The following NEK7 variants were observed in gnomAD, a reference collection of about 807,000 sequenced individuals.
The protein encoded by NEK7 is NIMA related kinase 7.
In NEK7, 18 loss-of-function variants were observed where a neutral mutation model predicts 44.6. The observed-to-expected ratio is 0.40, with a 90% confidence interval of 0.28 to 0.60. The LOEUF (loss-of-function observed/expected upper bound fraction) is 0.60. Ranked by LOEUF, NEK7 falls within the 20% of genes least tolerant of loss-of-function variation. NEK7 has a pLI of 0.38. For missense variants in NEK7, 256 were observed against 366.5 expected (o/e 0.70, Z 2.46); for synonymous variants, 130 against 121.1 (o/e 1.07, Z -0.48).
intron 9 of NEK7, among the ~76,000 whole-genome samples, chr1:198,299,348 C>T (rs1054975358): frequency 6.6e-6 from 1 of 152,124 alleles, no homozygotes; most frequent in Non-Finnish European, 1.5e-5. Context: ...TAAGCAGGAA[C>T]TCAATTTGTA....
intron 3 of NEK7, among the ~76,000 whole-genome samples, chr1:198,257,434 G>A (rs530309914): frequency 6.6e-6 from 1 of 152,200 alleles, no homozygotes; most frequent in Admixed American, 6.5e-5. Flanking sequence ...GATTATATAT[G>A]ATCAGAAATT....
At chr1:198,256,497 C>A (rs1441753753) in intron 3 of NEK7, 2 of 1,567,164 alleles carry the variant, frequency 1.3e-6, no homozygotes, top group East Asian at 2.3e-5. Flanking sequence ...TAAGATGGTA[C>A]CTTAACTAAT....
rs749960374 is a variant in NEK7, at chr1:198,253,102, T to G, written c.120T>G (p.Ile40Met). The G allele has an allele frequency of 6.2e-7, 1 of 1,612,572 alleles. No homozygotes were observed. The highest frequency in any genetic ancestry group is 1.1e-5 in the South Asian group (1 of 91,016). The change falls in exon 3 of 10, where the codon ATT (isoleucine) becomes ATG (methionine). Residue 40 changes from isoleucine to methionine, a missense_variant. This residue lies in a region of NEK7 where 96 missense variants were observed against 94.9 expected (regional missense o/e 1.01). Coordinates refer to ENST00000367385, the MANE Select transcript of NEK7 (RefSeq NM_133494.3). ...TLANFRIEKK[I>M]GRGQFSEVYR... ...CCAACTTTCGAATAGAAAAGAAAAT[T>G]GGTCGCGGACAATTTAGTGAAGTTT...
chr1:198,313,888 A>C (rs555604190), intron 9 of NEK7, among the ~76,000 whole-genome samples: 3 of 151,838 alleles, frequency 2.0e-5, no homozygotes, highest in Admixed American at 2.0e-4. Flanking sequence ...CCTTCATTTC[A>C]ACTTTGGTGA....
intron 3 of NEK7, among the ~76,000 whole-genome samples, chr1:198,260,559 A>G (rs1479949701): frequency 1.3e-5 from 2 of 151,190 alleles, no homozygotes; most frequent in African/African-American, 4.9e-5. Flanking sequence ...AGAGAAGTTA[A>G]CTCTCTTTAA....
chr1:198,262,918 TGACCACCCCAACAA>T (rs1653525080), intron 4 of NEK7, among the ~76,000 whole-genome samples: 1 of 151,874 alleles, frequency 6.6e-6, no homozygotes, highest in Non-Finnish European at 1.5e-5. Context: ...TTTTTTTTCT[TGACCACCCCAACAA>T]GACATATTCT....
rs199826437 is a variant in NEK7, at chr1:198,209,058, T to C, written c.-28-23495T>C. Among the ~76,000 whole-genome samples, 599 of 101,798 alleles carry C rather than the reference T, an allele frequency of 5.9e-3. 1 individual carries two copies. Among genetic ancestry groups the C allele is most frequent in the African/African-American group, 7.8e-3 (174 of 22,444 alleles). 66.8% of individuals were successfully genotyped at this position (101,798 alleles called of 152,430 possible). On this transcript the variant is annotated intron_variant, in intron 1 of 9. Transcript: ENST00000367385. ...GTGTGTATATATATATATATATATA[T>C]ACACACACACATACGCACATATGTA...
intron 8 of NEK7, among the ~76,000 whole-genome samples, chr1:198,294,865 A>G (rs1247450645): frequency 2.0e-5 from 3 of 152,138 alleles, no homozygotes; most frequent in Admixed American, 6.5e-5. Context: ...GAATTTTTCT[A>G]AAGCTTTAAT....
At chr1:198,308,723 CT>C (rs1655086495) in intron 9 of NEK7, among the ~76,000 whole-genome samples, 2 of 152,286 alleles carry the variant, frequency 1.3e-5, no homozygotes, top group South Asian at 4.1e-4. Flanking sequence ...TTGACCTCAG[CT>C]TATCATTTCA....
intron 3 of NEK7, among the ~76,000 whole-genome samples, chr1:198,257,085 G>A (rs924109856): frequency 6.6e-6 from 1 of 151,956 alleles, no homozygotes; most frequent in South Asian, 2.1e-4. Context: ...ATTTCGCTTT[G>A]CTTACTCTTA....
chr1:198,186,627 C>T (rs1664932489), intron 1 of NEK7, among the ~76,000 whole-genome samples: 1 of 152,118 alleles, frequency 6.6e-6, no homozygotes, highest in African/African-American at 2.4e-5. Context: ...CCTGACAGTC[C>T]AACCTTTGCC....
At chr1:198,260,681 T>C (rs747360446) in intron 3 of NEK7, among the ~76,000 whole-genome samples, 7 of 152,126 alleles carry the variant, frequency 4.6e-5, no homozygotes, top group Admixed American at 3.3e-4. Context: ...TAAGGCTTTA[T>C]ATTTTTTCAA....
At chr1:198,164,514 G>C (rs969019765) in intron 1 of NEK7, among the ~76,000 whole-genome samples, 2 of 152,168 alleles carry the variant, frequency 1.3e-5, no homozygotes, top group African/African-American at 4.8e-5. Flanking sequence ...GCAATAAAGC[G>C]AGTCAGATGA....
At chr1:198,314,326 A>G (rs1655283431) in intron 9 of NEK7, among the ~76,000 whole-genome samples, 1 of 152,022 alleles carries the variant, frequency 6.6e-6, no homozygotes, top group African/African-American at 2.4e-5. Flanking sequence ...TTCTAGTTAT[A>G]CATTCTTCTA....
At chr1:198,200,928 G>C (rs932611447) in intron 1 of NEK7, among the ~76,000 whole-genome samples, 2 of 152,040 alleles carry the variant, frequency 1.3e-5, no homozygotes, top group Admixed American at 6.6e-5. Context: ...TTTTTATCCT[G>C]TTAGCAATGC....
intron 1 of NEK7, among the ~76,000 whole-genome samples, chr1:198,206,285 A>T (rs972213677): frequency 3.3e-5 from 5 of 152,174 alleles, no homozygotes; most frequent in Non-Finnish European, 7.4e-5. Flanking sequence ...CACAACACTG[A>T]TTTCAATAAA....
intron 5 of NEK7, among the ~76,000 whole-genome samples, chr1:198,274,221 C>G (rs558491125): frequency 6.8e-6 from 1 of 146,148 alleles, no homozygotes; most frequent in Non-Finnish European, 1.5e-5. Flanking sequence ...TAATCCTCTT[C>G]AAAAACACCT....
intron 1 of NEK7, among the ~76,000 whole-genome samples, chr1:198,216,724 A>G (rs1027956646): frequency 6.6e-6 from 1 of 152,102 alleles, no homozygotes; most frequent in Non-Finnish European, 1.5e-5. Flanking sequence ...GAAGATCCAA[A>G]TAAGCTCAAT....
intron 1 of NEK7, among the ~76,000 whole-genome samples, chr1:198,194,291 TTTTC>T (rs201582949): frequency 0.024 from 3,606 of 151,892 alleles, 111 homozygotes; most frequent in African/African-American, 0.073. Flanking sequence ...TGCATTTTCT[TTTTC>T]TTTCTTTTTT....
Sources: gnomAD v4.1 joint callset for allele counts (sites outside exome capture counted in the v4.1 genomes callset) on GRCh38, gnomAD v4.1.1 for gene constraint, gnomAD v4.1.1 regional missense constraint, MANE v1.5 for transcripts, NCBI Gene and HGNC (gene_info 2026-07-23, HGNC 2026-07-21) for gene names.